ADARB2: variants seen among roughly 807,000 people sequenced by gnomAD.
ADARB2 encodes the protein adenosine deaminase RNA specific B2 (inactive).
ADARB2 carries 25 observed loss-of-function variants against 62.2 expected under a neutral mutation model. The observed-to-expected ratio is 0.40, with a 90% CI of 0.29 to 0.56. The LOEUF (loss-of-function observed/expected upper bound fraction) is 0.56, where lower values mean the gene tolerates loss of function less well. Among genes scored for constraint, ADARB2 ranks in the 20% least tolerant of loss-of-function variants. The probability of loss-of-function intolerance (pLI) is 0.43; values close to 1 mark genes in which losing one functional copy is unlikely to be tolerated. For synonymous variants in ADARB2, 572 were observed against 500.8 expected (o/e 1.14, Z -1.90); for missense variants, 1,071 against 1,077.4 (o/e 0.99, Z 0.08).
intron 1 of ADARB2, among the ~76,000 whole-genome samples, chr10:1,424,239 A>T (rs535162102): frequency 6.6e-6 from 1 of 152,334 alleles, no homozygotes; most frequent in South Asian, 2.1e-4. Context: ...GATCTGAGGA[A>T]GGATAAGAGG....
intron 3 of ADARB2, among the ~76,000 whole-genome samples, chr10:1,332,476 G>GT (rs759566790): frequency 0.022 from 2,886 of 130,262 alleles, 88 homozygotes; most frequent in East Asian, 0.13. Context: ...ACTAGCATCA[G>GT]TTTTGTTTTT....
chr10:1,310,683 G>A (rs983927097), intron 3 of ADARB2, among the ~76,000 whole-genome samples: 8 of 152,224 alleles, frequency 5.3e-5, no homozygotes, highest in African/African-American at 1.7e-4. Flanking sequence ...TACCTCTGGA[G>A]GGGATCTCTG....
intron 4 of ADARB2, among the ~76,000 whole-genome samples, chr10:1,262,287 T>TATAATAATGTAATA (rs1554771084): frequency 1.5e-5 from 2 of 135,780 alleles, no homozygotes; most frequent in African/African-American, 5.8e-5. Context: ...AAACTTAAAG[T>TATAATAATGTAATA]ATAATAATAA....
At chr10:1,284,757 G>C (rs1209739558) in intron 3 of ADARB2, among the ~76,000 whole-genome samples, 1 of 152,200 alleles carries the variant, frequency 6.6e-6, no homozygotes, top group Non-Finnish European at 1.5e-5. Flanking sequence ...TGGATTCCCA[G>C]AAGGTCTCGG....
At chr10:1,678,073 G>T in intron 1 of ADARB2, 1 of 693,156 alleles carries the variant, frequency 1.4e-6, no homozygotes, top group Non-Finnish European at 1.8e-6. Context: ...CTACACCACA[G>T]GCCTAGTGGT....
chr10:1,210,638 G>GGC (rs1486739663), intron 7 of ADARB2, among the ~76,000 whole-genome samples: 4 of 152,220 alleles, frequency 2.6e-5, no homozygotes, highest in African/African-American at 9.6e-5. Flanking sequence ...CAATCACGTC[G>GGC]CAGCGATTCC....
At chr10:1,212,276 A>G (rs963257676) in intron 7 of ADARB2, among the ~76,000 whole-genome samples, 3 of 152,254 alleles carry the variant, frequency 2.0e-5, no homozygotes, top group South Asian at 2.1e-4. Flanking sequence ...TCTCTGTACA[A>G]ATAATGCACG....
chr10:1,561,233 T>A (rs1367437777), intron 1 of ADARB2, among the ~76,000 whole-genome samples: 1 of 152,202 alleles, frequency 6.6e-6, no homozygotes, highest in Non-Finnish European at 1.5e-5. Context: ...CCCCTCTCTC[T>A]CCAGACCTGC....
chr10:1,246,805 T>C (rs1299616755), intron 4 of ADARB2, among the ~76,000 whole-genome samples: 1 of 151,450 alleles, frequency 6.6e-6, no homozygotes, highest in African/African-American at 2.4e-5. Context: ...GGCTTAGGAT[T>C]GACTTGGTGA....
intron 1 of ADARB2, among the ~76,000 whole-genome samples, chr10:1,524,858 A>T (rs1346995200): frequency 6.6e-6 from 1 of 152,204 alleles, no homozygotes; most frequent in Non-Finnish European, 1.5e-5. Flanking sequence ...TTTCCAGCCT[A>T]GAACTAGCAG....
At chr10:1,185,619 A>G (rs1226900168) in intron 8 of ADARB2, among the ~76,000 whole-genome samples, 4 of 152,212 alleles carry the variant, frequency 2.6e-5, no homozygotes, top group African/African-American at 9.7e-5. Flanking sequence ...CAGCGGAAAT[A>G]TGGGGCCTTT....
At chr10:1,529,446 G>A (rs1832192739) in intron 1 of ADARB2, among the ~76,000 whole-genome samples, 1 of 152,148 alleles carries the variant, frequency 6.6e-6, no homozygotes, top group African/African-American at 2.4e-5. Context: ...TGACTCCCTG[G>A]GGTCATCAGC....
intron 1 of ADARB2, among the ~76,000 whole-genome samples, chr10:1,650,715 C>T (rs934986416): frequency 1.3e-5 from 2 of 152,300 alleles, no homozygotes; most frequent in African/African-American, 2.4e-5. Flanking sequence ...ATTCTCTGTC[C>T]GCCCACTGCA....
At chr10:1,241,523 C>T (rs1156439242) in intron 5 of ADARB2, among the ~76,000 whole-genome samples, 1 of 152,194 alleles carries the variant, frequency 6.6e-6, no homozygotes, top group Non-Finnish European at 1.5e-5. Flanking sequence ...CTGAATGGCC[C>T]AGCCTGGGGG....
intron 1 of ADARB2, among the ~76,000 whole-genome samples, chr10:1,710,722 C>T (rs1227649929): frequency 1.3e-5 from 2 of 152,206 alleles, no homozygotes; most frequent in East Asian, 1.9e-4. Flanking sequence ...TGTGAGCTCC[C>T]GCAGACTCTC....
intron 1 of ADARB2, among the ~76,000 whole-genome samples, chr10:1,696,446 C>T (rs1383190983): frequency 6.6e-6 from 1 of 152,128 alleles, no homozygotes; most frequent in Non-Finnish European, 1.5e-5. Context: ...TATGATTTCT[C>T]CTGTTTTTTT....
rs539931878 is a variant in ADARB2 at position 1,632,500 on chromosome 10, C to A, written c.100+104551G>T. Among the ~76,000 whole-genome samples the A allele has an allele frequency of 5.9e-5, 9 of 152,384 alleles. No individual in the cohort carries two copies. In the East Asian group the frequency reaches 1.7e-3, roughly 29 times the overall value. ...ACACACTGGATACTCACAGCACTAG[C>A]CTTGTGACCATGCACCTGCCCATGT... On this transcript the variant is annotated intron_variant, in intron 1 of 9. Transcript: ENST00000381312.
At chr10:1,731,921 G>A (rs1835238271) in intron 1 of ADARB2, among the ~76,000 whole-genome samples, 1 of 152,136 alleles carries the variant, frequency 6.6e-6, no homozygotes, top group Non-Finnish European at 1.5e-5. Context: ...ATAAAGTCTT[G>A]CTTACAATGT....
At chr10:1,436,721 A>G (rs1830838651) in intron 1 of ADARB2, among the ~76,000 whole-genome samples, 1 of 152,228 alleles carries the variant, frequency 6.6e-6, no homozygotes, top group East Asian at 1.9e-4. Flanking sequence ...TTTTTGCTTT[A>G]AACGAGTGAT....
Sources: gnomAD v4.1 joint callset for allele counts (sites outside exome capture counted in the v4.1 genomes callset) on GRCh38, gnomAD v4.1.1 for gene constraint, MANE v1.5 for transcripts, NCBI Gene and HGNC (gene_info 2026-07-23, HGNC 2026-07-21) for gene names.